The following ARHGAP15 variants were observed in gnomAD, a reference collection of about 807,000 sequenced individuals.
ARHGAP15 encodes Rho GTPase activating protein 15.
A neutral mutation model predicts 63.7 loss-of-function variants in ARHGAP15; 51 were observed. That is an observed-to-expected ratio of 0.80 (90% CI 0.64 to 1.01). The LOEUF (loss-of-function observed/expected upper bound fraction) is 1.01, where lower values mean the gene tolerates loss of function less well. Among genes scored for constraint, ARHGAP15 ranks in the 50% least tolerant of loss-of-function variants. ARHGAP15 has a pLI of 0.00. For synonymous variants in ARHGAP15, 191 were observed against 193.8 expected (o/e 0.99, Z 0.12); for missense variants, 560 against 564.6 (o/e 0.99, Z 0.08).
At chr2:143,712,693 G>A (rs1273182309) in intron 13 of ARHGAP15, among the ~76,000 whole-genome samples, 1 of 151,792 alleles carries the variant, frequency 6.6e-6, no homozygotes, top group Admixed American at 6.6e-5. Context: ...ATTTTGTGAT[G>A]AAAACTACTC....
chr2:143,501,951 C>A (rs1369987171), intron 9 of ARHGAP15, among the ~76,000 whole-genome samples: 1 of 152,184 alleles, frequency 6.6e-6, no homozygotes, highest in Non-Finnish European at 1.5e-5. Context: ...TGCCAGGGAG[C>A]TGTGGCCTCA....
At chr2:143,607,210 G>A (rs776066981) in intron 11 of ARHGAP15, among the ~76,000 whole-genome samples, 1 of 152,132 alleles carries the variant, frequency 6.6e-6, no homozygotes, top group Non-Finnish European at 1.5e-5. Context: ...GATGTTTCAG[G>A]TGGGGCAGAG....
intron 6 of ARHGAP15, among the ~76,000 whole-genome samples, chr2:143,419,543 A>C (rs1688826163): frequency 6.6e-6 from 1 of 152,120 alleles, no homozygotes; most frequent in African/African-American, 2.4e-5. Context: ...GTCATTAAAC[A>C]GATGCTTTCA....
chr2:143,449,098 A>G (rs1184626699), intron 8 of ARHGAP15, among the ~76,000 whole-genome samples: 1 of 152,066 alleles, frequency 6.6e-6, no homozygotes, highest in Non-Finnish European at 1.5e-5. Context: ...TACGGACTAA[A>G]TGAGAAAGAA....
intron 4 of ARHGAP15, among the ~76,000 whole-genome samples, chr2:143,218,970 A>C (rs978201003): frequency 2.0e-5 from 3 of 152,254 alleles, no homozygotes; most frequent in African/African-American, 7.2e-5. Flanking sequence ...TTACAGTCTC[A>C]TAGGACTACT....
chr2:143,577,882 T>C (rs1329212392), intron 11 of ARHGAP15, among the ~76,000 whole-genome samples: 14 of 152,128 alleles, frequency 9.2e-5, no homozygotes, highest in Admixed American at 7.2e-4. Flanking sequence ...TGTTCAGAAA[T>C]AAGATGCTCT....
chr2:143,758,258 T>A (rs1332158934), intron 13 of ARHGAP15, among the ~76,000 whole-genome samples: 3 of 151,234 alleles, frequency 2.0e-5, no homozygotes, highest in Non-Finnish European at 4.4e-5. Flanking sequence ...AGGAAAAAAA[T>A]TATTTATATA....
At chr2:143,244,451 G>C (rs376323402) in intron 5 of ARHGAP15, among the ~76,000 whole-genome samples, 1 of 152,090 alleles carries the variant, frequency 6.6e-6, no homozygotes, top group Non-Finnish European at 1.5e-5. Context: ...GCAAGATTAC[G>C]GCAGATGGTA....
At chr2:143,235,419 CACA>C (rs757703491) in intron 5 of ARHGAP15, among the ~76,000 whole-genome samples, 68 of 151,852 alleles carry the variant, frequency 4.5e-4, no homozygotes, top group Non-Finnish European at 8.8e-5. Flanking sequence ...AGAGCCTGTG[CACA>C]ACAAGGAGAA....
chr2:143,261,866 C>T (rs1383845888), intron 6 of ARHGAP15, among the ~76,000 whole-genome samples: 1 of 152,076 alleles, frequency 6.6e-6, no homozygotes, highest in Non-Finnish European at 1.5e-5. Context: ...TTGAGTTGGT[C>T]ATAGGGTAGC....
At chr2:143,407,979 C>CTGTGTG (rs1358322810) in intron 6 of ARHGAP15, among the ~76,000 whole-genome samples, 5 of 75,192 alleles carry the variant, frequency 6.6e-5, no homozygotes, top group Admixed American at 5.3e-4. Flanking sequence ...AGTCTGACTT[C>CTGTGTG]TGTGTGTGTA....
intron 12 of ARHGAP15, among the ~76,000 whole-genome samples, chr2:143,680,361 C>A (rs941421976): frequency 1.3e-5 from 2 of 152,188 alleles, no homozygotes; most frequent in Non-Finnish European, 2.9e-5. Flanking sequence ...GCAATTGTAG[C>A]TTAAATTCCA....
At chr2:143,169,621 C>T (rs1188562983) in intron 2 of ARHGAP15, among the ~76,000 whole-genome samples, 2 of 151,950 alleles carry the variant, frequency 1.3e-5, no homozygotes, top group Admixed American at 6.6e-5. Context: ...GACACTAATG[C>T]CCCTGGGACA....
At chr2:143,755,579 C>T (rs927470277) in intron 13 of ARHGAP15, among the ~76,000 whole-genome samples, 3 of 152,138 alleles carry the variant, frequency 2.0e-5, no homozygotes, top group Non-Finnish European at 2.9e-5. Context: ...GCTAACCAAA[C>T]ACCTTCAGTT....
At chr2:143,292,778 T>C (rs189340932) in intron 6 of ARHGAP15, among the ~76,000 whole-genome samples, 272 of 152,148 alleles carry the variant, frequency 1.8e-3, no homozygotes, top group African/African-American at 6.2e-3. Flanking sequence ...TTTTCTGTAC[T>C]TGAAAATAAT....
chr2:143,610,589 C>G (rs1355341395), intron 11 of ARHGAP15, among the ~76,000 whole-genome samples: 1 of 152,168 alleles, frequency 6.6e-6, no homozygotes, highest in Non-Finnish European at 1.5e-5. Context: ...TTTCATTCCT[C>G]TCAACTTTAG....
chr2:143,722,904 A>T (rs547763630), intron 13 of ARHGAP15, among the ~76,000 whole-genome samples: 1 of 152,348 alleles, frequency 6.6e-6, no homozygotes, highest in East Asian at 1.9e-4. Context: ...ATCTCAGGCT[A>T]TAGGAAACCA....
At chr2:143,724,300 T>G (rs2105470045) in intron 13 of ARHGAP15, among the ~76,000 whole-genome samples, 1 of 152,300 alleles carries the variant, frequency 6.6e-6, no homozygotes, top group South Asian at 2.1e-4. Flanking sequence ...AGTGTCAGTT[T>G]CCTCTTCAGT....
intron 13 of ARHGAP15, among the ~76,000 whole-genome samples, chr2:143,765,143 G>A (rs1302288374): frequency 6.8e-6 from 1 of 147,662 alleles, no homozygotes. Flanking sequence ...GTGTGTGTGT[G>A]TGTGGTAAAA....
Sources: gnomAD v4.1 joint callset for allele counts (sites outside exome capture counted in the v4.1 genomes callset) on GRCh38, gnomAD v4.1.1 for gene constraint, MANE v1.5 for transcripts, NCBI Gene and HGNC (gene_info 2026-07-23, HGNC 2026-07-21) for gene names.